CDH13: variants seen among roughly 807,000 people sequenced by gnomAD.
The protein encoded by CDH13 is cadherin-13.
A neutral mutation model predicts 63.8 loss-of-function variants in CDH13; 24 were observed. That is an observed-to-expected ratio of 0.38 (90% confidence interval 0.27 to 0.53). The LOEUF (loss-of-function observed/expected upper bound fraction) is 0.53. CDH13 is among the 20% of genes least tolerant of loss of function. CDH13 has a pLI of 0.85. For synonymous variants in CDH13, 503 were observed against 355.3 expected, an observed-to-expected ratio of 1.42 and a Z score of -4.67; for missense variants, 1,049 against 903.1, an observed-to-expected ratio of 1.16 and a Z score of -2.07.
intron 5 of CDH13, among the ~76,000 whole-genome samples, chr16:83,271,184 C>T (rs953221010): frequency 2.0e-5 from 3 of 151,860 alleles, no homozygotes; most frequent in East Asian, 3.9e-4. Context: ...GCCCTATCCC[C>T]AGAAGCTCCT....
intron 8 of CDH13, among the ~76,000 whole-genome samples, chr16:83,658,271 A>G (rs1327003601): frequency 2.6e-5 from 3 of 114,764 alleles, no homozygotes; most frequent in South Asian, 3.5e-4. Context: ...CAGGTCCCGT[A>G]TCCTCACCAG....
chr16:82,782,139 C>G (rs1157649895), intron 1 of CDH13, among the ~76,000 whole-genome samples: 1 of 152,158 alleles, frequency 6.6e-6, no homozygotes, highest in Non-Finnish European at 1.5e-5. Context: ...GGGCCTCTAC[C>G]AGGGTGCAGA....
At chr16:83,277,040 T>C (rs75405667) in intron 5 of CDH13, among the ~76,000 whole-genome samples, 4,268 of 152,054 alleles carry the variant, frequency 0.028, 188 homozygotes, top group African/African-American at 0.089. Flanking sequence ...CCACCAGGTC[T>C]CTCCAACAAC....
intron 1 of CDH13, among the ~76,000 whole-genome samples, chr16:82,857,447 A>C (rs1250594852): frequency 2.0e-5 from 3 of 152,144 alleles, no homozygotes; most frequent in Non-Finnish European, 4.4e-5. Context: ...ACCTGTTTTT[A>C]TGGCCTTATA....
intron 3 of CDH13, among the ~76,000 whole-genome samples, chr16:83,123,538 C>A (rs11641255): frequency 1.3e-5 from 2 of 151,662 alleles, no homozygotes; most frequent in African/African-American, 2.4e-5. Flanking sequence ...CTCAGCCTCC[C>A]AAAGGGCTGG....
intron 6 of CDH13, among the ~76,000 whole-genome samples, chr16:83,377,077 C>A (rs1422231581): frequency 6.6e-6 from 1 of 152,216 alleles, no homozygotes; most frequent in East Asian, 1.9e-4. Flanking sequence ...ACTCTCCAAC[C>A]CTGGCTGACC....
chr16:83,051,859 G>C (rs1049233975), intron 3 of CDH13, among the ~76,000 whole-genome samples: 4 of 152,196 alleles, frequency 2.6e-5, no homozygotes, highest in Non-Finnish European at 5.9e-5. Context: ...ACCCCTAAGA[G>C]ACACAGCCCT....
At chr16:83,325,234 C>T (rs1053931218) in intron 5 of CDH13, among the ~76,000 whole-genome samples, 2 of 152,150 alleles carry the variant, frequency 1.3e-5, no homozygotes, top group African/African-American at 4.8e-5. Flanking sequence ...CCAAAAGTCT[C>T]ACACTGAACT....
chr16:83,284,464 C>G (rs992981312), intron 5 of CDH13, among the ~76,000 whole-genome samples: 3 of 152,102 alleles, frequency 2.0e-5, no homozygotes, highest in African/African-American at 7.2e-5. Flanking sequence ...TTAGTGAACT[C>G]TCAAAAAATG....
At chr16:83,626,011 CTTT>C in intron 8 of CDH13, among the ~76,000 whole-genome samples, 1 of 137,412 alleles carries the variant, frequency 7.3e-6, no homozygotes, top group African/African-American at 2.7e-5. Flanking sequence ...AAGCTTGCTT[CTTT>C]TTTTTTTTTT....
rs369572270 is a variant in CDH13, at chr16:82,927,729, A to C, written c.157+69256A>C. Among the ~76,000 whole-genome samples the C allele has an allele frequency of 8.5e-5, 13 of 152,336 alleles. No individual in the cohort carries two copies. In the South Asian group the frequency reaches 2.7e-3, roughly 32 times the overall value. On this transcript the variant is annotated intron_variant, in intron 2 of 13. Transcript: ENST00000567109. Reference sequence around the variant, plus strand: ...CTTATGACTTTGGTCGTGAGTGATAACAGGTAAGGAACCATGCCTGTGTTA... The same window carrying C: ...CTTATGACTTTGGTCGTGAGTGATACCAGGTAAGGAACCATGCCTGTGTTA...
chr16:82,718,555 G>T (rs537664350), intron 1 of CDH13, among the ~76,000 whole-genome samples: 1 of 152,184 alleles, frequency 6.6e-6, no homozygotes, highest in Non-Finnish European at 1.5e-5. Context: ...TGTTGTATTA[G>T]TCCATTTTCA....
intron 10 of CDH13, among the ~76,000 whole-genome samples, chr16:83,704,067 C>T (rs12926331): frequency 0.19 from 28,911 of 152,114 alleles, 3,276 homozygotes; most frequent in African/African-American, 0.33. Flanking sequence ...TCAACCCAGA[C>T]TTCACCTCAC....
intron 1 of CDH13, among the ~76,000 whole-genome samples, chr16:82,700,651 T>G (rs1202482047): frequency 3.9e-5 from 6 of 152,222 alleles, no homozygotes; most frequent in Middle Eastern, 3.4e-3. Context: ...AGTCCTGTCC[T>G]AGAATTTCAA....
chr16:83,409,578 A>G (rs1372946690), intron 6 of CDH13, among the ~76,000 whole-genome samples: 1 of 152,236 alleles, frequency 6.6e-6, no homozygotes, highest in African/African-American at 2.4e-5. Context: ...TTCACCATCA[A>G]TATTGATCTG....
chr16:83,463,388 G>T (rs561966524), intron 6 of CDH13, among the ~76,000 whole-genome samples: 1 of 152,300 alleles, frequency 6.6e-6, no homozygotes, highest in African/African-American at 2.4e-5. Context: ...TCGGCTCCAT[G>T]TCACCCTCTC....
At chr16:83,177,749 G>A (rs1341096865) in intron 4 of CDH13, among the ~76,000 whole-genome samples, 1 of 152,264 alleles carries the variant, frequency 6.6e-6, no homozygotes, top group Non-Finnish European at 1.5e-5. Flanking sequence ...TATTGCATTA[G>A]GAGAAATGGC....
chr16:83,338,200 A>T (rs960167216), intron 5 of CDH13, among the ~76,000 whole-genome samples: 1 of 151,674 alleles, frequency 6.6e-6, no homozygotes. Flanking sequence ...AAAAAAAAAA[A>T]AAACAAGTAA....
At chr16:82,926,050 A>G (rs536564919) in intron 2 of CDH13, 1 of 152,230 alleles carries the variant, frequency 6.6e-6, no homozygotes, top group Non-Finnish European at 1.5e-5. Flanking sequence ...AAAAATAAAA[A>G]TAAAAAAGAC....
Sources: gnomAD v4.1 joint callset for allele counts (sites outside exome capture counted in the v4.1 genomes callset) on GRCh38, gnomAD v4.1.1 for gene constraint, MANE v1.5 for transcripts, NCBI Gene and HGNC (gene_info 2026-07-23, HGNC 2026-07-21) for gene names.